MYO18A: variants seen among roughly 807,000 people sequenced by gnomAD.
MYO18A encodes the protein unconventional myosin-XVIIIa.
MYO18A carries 78 observed loss-of-function variants against 235.8 expected under a neutral mutation model. The observed-to-expected ratio is 0.33, with a 90% CI of 0.28 to 0.40. The LOEUF (loss-of-function observed/expected upper bound fraction) is 0.40. Ranked by LOEUF, MYO18A falls within the 10% of genes least tolerant of loss-of-function variation. The probability of loss-of-function intolerance (pLI) is 1.00; values close to 1 mark genes in which losing one functional copy is unlikely to be tolerated. For synonymous variants in MYO18A, 977 were observed against 1,077.8 expected, an observed-to-expected ratio of 0.91 and a Z score of 1.83; for missense variants, 2,215 against 2,699.3, an observed-to-expected ratio of 0.82 and a Z score of 3.98.
chr17:29,084,557 G>A (rs530987544), intron 40 of MYO18A, among the ~76,000 whole-genome samples: 3 of 152,266 alleles, frequency 2.0e-5, no homozygotes, highest in East Asian at 1.9e-4. Flanking sequence ...ATTTATGTCC[G>A]GGCTCATGTG....
rs1598248737 is a variant in MYO18A at position 29,073,095 on chromosome 17, A to AG, written c.*1674_*1675insC. On this transcript the variant is annotated 3_prime_UTR_variant, in exon 42 of 42. Transcript: ENST00000527372. ...AAAAAGAAAGAGAATGAAAGAAAGAAAGAGAGAGAGAGAGGGAGAGAGGGA... is the reference window on the plus strand; with the variant it reads ...AAAAAGAAAGAGAATGAAAGAAAGAAGAGAGAGAGAGAGAGGGAGAGAGGGA... The AG allele has an allele frequency of 4.0e-5, 6 of 150,720 alleles. No homozygotes were observed. In the East Asian group the frequency reaches 1.2e-3, roughly 30 times the overall value. The allele number at this position is 150,720 out of a possible 1,614,324, so 9.3% of individuals were successfully genotyped here.
At chr17:29,147,962 G>T (rs930822306) in intron 2 of MYO18A, among the ~76,000 whole-genome samples, 2 of 151,746 alleles carry the variant, frequency 1.3e-5, no homozygotes, top group African/African-American at 4.8e-5. Flanking sequence ...GTCTGCCTAG[G>T]ATTCTGGCAG....
intron 2 of MYO18A, chr17:29,124,746 G>A: frequency 8.1e-7 from 1 of 1,227,026 alleles, no homozygotes; most frequent in African/African-American, 1.5e-5. Context: ...GCAGACCACT[G>A]GCACGCCCCC....
chr17:29,175,546 T>C (rs1038818835), intron 1 of MYO18A, among the ~76,000 whole-genome samples: 2 of 151,954 alleles, frequency 1.3e-5, no homozygotes, highest in Middle Eastern at 6.8e-3. Flanking sequence ...GTATTTTTTG[T>C]AGAGACAGGG....
intron 14 of MYO18A, 26 bp from the exon 15 acceptor site, chr17:29,114,123 G>A (rs778123544): frequency 6.5e-7 from 1 of 1,542,242 alleles, no homozygotes; most frequent in South Asian, 1.2e-5. Context: ...GAGCGGTAGT[G>A]AGCATGGGGG....
intron 37 of MYO18A, among the ~76,000 whole-genome samples, chr17:29,089,170 T>C (rs779666314): frequency 1.3e-5 from 2 of 151,582 alleles, no homozygotes; most frequent in Non-Finnish European, 2.9e-5. Context: ...AAATATTTCA[T>C]GCCTGTAATC....
At chr17:29,165,615 T>A in intron 2 of MYO18A, 1 of 290,960 alleles carries the variant, frequency 3.4e-6, no homozygotes, top group Middle Eastern at 1.1e-3. Context: ...AGAATTCTAC[T>A]GCAGTGAACC....
intron 2 of MYO18A, among the ~76,000 whole-genome samples, chr17:29,136,032 A>G (rs1434049781): frequency 6.6e-6 from 1 of 152,066 alleles, no homozygotes; most frequent in African/African-American, 2.4e-5. Flanking sequence ...GTTTGAGACC[A>G]GCCTGGGCAA....
At chr17:29,162,519 G>A (rs1407397961) in intron 2 of MYO18A, among the ~76,000 whole-genome samples, 1 of 152,112 alleles carries the variant, frequency 6.6e-6, no homozygotes, top group Non-Finnish European at 1.5e-5. Context: ...GTCAGCTTTC[G>A]CTGACCCATC....
rs1457099661 is a variant in MYO18A, at chr17:29,071,136, C to T, written c.*3634G>A. Reference sequence around the variant, plus strand: ...AAAGAAGACCATTTAGGGGTCACTGCCTGCCACTTTATTTTCTGGGCACAG... The same window carrying T: ...AAAGAAGACCATTTAGGGGTCACTGTCTGCCACTTTATTTTCTGGGCACAG... On this transcript the variant is annotated 3_prime_UTR_variant, in exon 42 of 42. Coordinates refer to ENST00000527372, the MANE Select transcript of MYO18A (RefSeq NM_078471.4). 6.6e-6 allele frequency: 1 copy of T among 152,254 alleles called. No homozygotes were observed. Among genetic ancestry groups the T allele is most frequent in the Non-Finnish European group, 1.5e-5 (1 of 68,076 alleles). 9.4% of individuals were successfully genotyped at this position (152,254 alleles called of 1,614,324 possible).
At chr17:29,080,390 G>A in intron 41 of MYO18A, 1 of 986,130 alleles carries the variant, frequency 1.0e-6, no homozygotes, top group Non-Finnish European at 1.2e-6. Flanking sequence ...CTGCGGGCCA[G>A]CGACGGGTGG....
chr17:29,076,690 GA>G (rs2065988033), intron 41 of MYO18A: 2 of 152,176 alleles, frequency 1.3e-5, no homozygotes, highest in Admixed American at 1.3e-4. Context: ...ATGCAATATA[GA>G]AAAAAATTGG....
chr17:29,097,240 TC>T lies in MYO18A; in HGVS notation c.4212del (p.Arg1405GlyfsTer31). 6.2e-7 allele frequency: 1 copy of T among 1,610,534 alleles called. No homozygotes were observed. Among genetic ancestry groups the T allele is most frequent in the Non-Finnish European group, 8.5e-7 (1 of 1,179,832 alleles). ...EDKLEVEQQN[K>X]RQLERRLGDL... Reference sequence around the variant, plus strand: ...AGCCTCACCCGCCGTTCCAGCTGCCTCTTGTTCTGCTGCTCCACCTCCAGCT... The same window carrying T: ...AGCCTCACCCGCCGTTCCAGCTGCCTTTGTTCTGCTGCTCCACCTCCAGCT... On this transcript the variant is annotated frameshift_variant, in exon 27 of 42. Coordinates refer to ENST00000527372, the MANE Select transcript of MYO18A (RefSeq NM_078471.4). LOFTEE classifies it high-confidence loss of function.
intron 2 of MYO18A, among the ~76,000 whole-genome samples, chr17:29,134,715 G>A (rs1215840309): frequency 1.3e-5 from 2 of 151,784 alleles, no homozygotes; most frequent in African/African-American, 2.4e-5. Context: ...TAGAGACGGG[G>A]TTTCTCCATG....
At chr17:29,093,069 C>T in intron 32 of MYO18A, 68 bp from the exon 33 acceptor site, 1 of 1,544,682 alleles carries the variant, frequency 6.5e-7, no homozygotes. Flanking sequence ...CCCCAAGCTC[C>T]CTCCTCACCA....
chr17:29,124,711 A>G, intron 2 of MYO18A: 3 of 1,278,588 alleles, frequency 2.3e-6, no homozygotes, highest in Non-Finnish European at 3.1e-6. Flanking sequence ...AGCAAAGGAG[A>G]GAGAGAGAAG....
intron 1 of MYO18A, among the ~76,000 whole-genome samples, chr17:29,179,658 G>C (rs548272207): frequency 2.0e-5 from 3 of 152,248 alleles, no homozygotes; most frequent in Non-Finnish European, 4.4e-5. Context: ...TCAGTCTCAG[G>C]GCACAGCCTG....
Position 29,114,005 on chromosome 17 carries a change from T to G in MYO18A, c.2598+6A>C. ...GGCTTGCCCAAACCCTCTCTGGAGC[T>G]CCTACCAGGGACTGATGGGAGGCCT... is the stretch of plus-strand genomic sequence containing the variant. On this transcript the variant is annotated splice_donor_region_variant and intron_variant, in intron 15 of 41. Transcript: ENST00000527372. 6.3e-7 allele frequency: 1 copy of G among 1,587,846 alleles called. No individual in the cohort carries two copies. Among genetic ancestry groups the G allele is most frequent in the Non-Finnish European group, 8.6e-7 (1 of 1,167,158 alleles).
chr17:29,147,672 C>A (rs1237005852), intron 2 of MYO18A, among the ~76,000 whole-genome samples: 1 of 151,112 alleles, frequency 6.6e-6, no homozygotes, highest in Non-Finnish European at 1.5e-5. Flanking sequence ...AAGGCAGAGG[C>A]AGGAGGATCA....
Sources: allele counts gnomAD v4.1 joint callset (sites outside exome capture counted in the v4.1 genomes callset), GRCh38; gene constraint gnomAD v4.1.1; transcripts MANE v1.5; gene names NCBI Gene and HGNC (gene_info 2026-07-23, HGNC 2026-07-21).